Variants in KLHL29 observed in about 807,000 individuals in gnomAD.
KLHL29 encodes kelch-like protein 29.
Under a neutral mutation model 80.4 loss-of-function variants are expected in KLHL29, and 21 were observed. The ratio of observed to expected loss-of-function variants is 0.26; its 90% confidence interval spans 0.19 to 0.38. The LOEUF is 0.38. Among genes scored for constraint, KLHL29 ranks in the 10% least tolerant of loss-of-function variants. The probability of loss-of-function intolerance (pLI) is 1.00; values close to 1 mark genes in which losing one functional copy is unlikely to be tolerated. For synonymous variants in KLHL29, 511 were observed against 526.8 expected (o/e 0.97, Z 0.41); for missense variants, 867 against 1,223.9 (o/e 0.71, Z 4.35).
chr2:23,526,947 C>G (rs1558373888), intron 2 of KLHL29, among the ~76,000 whole-genome samples: 1 of 152,242 alleles, frequency 6.6e-6, no homozygotes, highest in African/African-American at 2.4e-5. Context: ...ACAGGGAGCC[C>G]CCGCAGGGTT....
chr2:23,577,284 C>T (rs1667867012), intron 3 of KLHL29, among the ~76,000 whole-genome samples: 1 of 152,116 alleles, frequency 6.6e-6, no homozygotes, highest in South Asian at 2.1e-4. Flanking sequence ...ACCCCCTTCT[C>T]TACTAAAAAT....
chr2:23,569,512 T>G (rs1667666135), intron 3 of KLHL29, among the ~76,000 whole-genome samples: 1 of 152,200 alleles, frequency 6.6e-6, no homozygotes, highest in South Asian at 2.1e-4. Context: ...ATGTTGCAAT[T>G]AAACAATTTT....
At chr2:23,620,623 C>A (rs1416143338) in intron 3 of KLHL29, among the ~76,000 whole-genome samples, 1 of 151,998 alleles carries the variant, frequency 6.6e-6, no homozygotes, top group Non-Finnish European at 1.5e-5. Context: ...GAGGCCAGTC[C>A]GGGACACACA....
At chr2:23,642,183 G>T (rs896395289) in intron 4 of KLHL29, among the ~76,000 whole-genome samples, 155 bp from the exon 5 acceptor site, 1 of 152,200 alleles carries the variant, frequency 6.6e-6, no homozygotes, top group Admixed American at 6.5e-5. Context: ...CTTATCCTGG[G>T]CTGCCATGAT....
At chr2:23,467,377 G>A (rs1664380997) in intron 1 of KLHL29, among the ~76,000 whole-genome samples, 1 of 152,226 alleles carries the variant, frequency 6.6e-6, no homozygotes, top group Non-Finnish European at 1.5e-5. Context: ...GAAAAGCAGA[G>A]TACTTACAGA....
At chr2:23,455,010 G>A (rs111371151) in intron 1 of KLHL29, among the ~76,000 whole-genome samples, 2 of 141,500 alleles carry the variant, frequency 1.4e-5, no homozygotes, top group East Asian at 4.5e-4. Context: ...TTGGGGGGGG[G>A]GCATTTATTT....
In KLHL29 at chr2:23,670,589, G is replaced by A. The variant is rs1280712409; in HGVS notation, c.941-13810G>A. ...TCTGTGCCAGGGCCTGCGGCGGGGG[G>A]CTGATCACCTGGAGGGCACAATTCC... On this transcript the variant is annotated intron_variant, in intron 5 of 13. Transcript: ENST00000486442. Among the ~76,000 whole-genome samples, 4 of 152,298 alleles carry A rather than the reference G, an allele frequency of 2.6e-5. No individual in the cohort carries two copies. In the South Asian group the frequency reaches 8.3e-4, roughly 32 times the overall value.
chr2:23,461,720 T>TG (rs951101183), intron 1 of KLHL29, among the ~76,000 whole-genome samples: 7 of 42,906 alleles, frequency 1.6e-4, no homozygotes, highest in Non-Finnish European at 3.3e-4. Context: ...TTATCTTTGC[T>TG]GGGGGGGCAG....
intron 1 of KLHL29, among the ~76,000 whole-genome samples, chr2:23,462,877 G>A (rs910946309): frequency 6.6e-6 from 1 of 152,202 alleles, no homozygotes; most frequent in Non-Finnish European, 1.5e-5. Context: ...GCTCACACCT[G>A]TAATCCCAGC....
chr2:23,638,541 C>A (rs907139966), intron 3 of KLHL29, among the ~76,000 whole-genome samples: 1 of 152,196 alleles, frequency 6.6e-6, no homozygotes, highest in Admixed American at 6.5e-5. Context: ...CTATCCCCGC[C>A]ATGGGCCTCA....
intron 3 of KLHL29, among the ~76,000 whole-genome samples, chr2:23,636,652 C>T (rs34782587): frequency 0.086 from 13,038 of 152,214 alleles, 770 homozygotes; most frequent in African/African-American, 0.16. Context: ...CTTGGTCACC[C>T]GTGTCCCTAG....
At chr2:23,430,644 GTTCAGCTT>G (rs1211055379) in intron 1 of KLHL29, among the ~76,000 whole-genome samples, 5 of 152,200 alleles carry the variant, frequency 3.3e-5, no homozygotes, top group Non-Finnish European at 7.3e-5. Context: ...TCAAGGCACT[GTTCAGCTT>G]TCACATTCCC....
chr2:23,509,828 G>A (rs970833147), intron 2 of KLHL29, among the ~76,000 whole-genome samples: 4 of 152,130 alleles, frequency 2.6e-5, no homozygotes, highest in Admixed American at 6.5e-5. Flanking sequence ...GAGCGGCTGG[G>A]TGCTGCTTTT....
At chr2:23,677,632 A>G (rs1375886707) in intron 5 of KLHL29, among the ~76,000 whole-genome samples, 1 of 152,228 alleles carries the variant, frequency 6.6e-6, no homozygotes, top group Non-Finnish European at 1.5e-5. Context: ...GAAGTAGGGG[A>G]AGAAATGCAT....
At chr2:23,446,173 A>G (rs1461469528) in intron 1 of KLHL29, among the ~76,000 whole-genome samples, 5 of 148,606 alleles carry the variant, frequency 3.4e-5, no homozygotes, top group African/African-American at 1.2e-4. Context: ...ATAGAACTTC[A>G]TTATTTAGTT....
chr2:23,451,611 C>T (rs1437145698), intron 1 of KLHL29, among the ~76,000 whole-genome samples: 3 of 151,990 alleles, frequency 2.0e-5, no homozygotes, highest in Non-Finnish European at 4.4e-5. Flanking sequence ...GAAAGTTTTT[C>T]TCCCCAGCTC....
chr2:23,448,129 C>A (rs1228225818), intron 1 of KLHL29, among the ~76,000 whole-genome samples: 3 of 152,032 alleles, frequency 2.0e-5, no homozygotes, highest in African/African-American at 7.3e-5. Flanking sequence ...AGGACTTCCC[C>A]ATTCCTGGAA....
chr2:23,656,149 A>G (rs3795935), intron 5 of KLHL29, among the ~76,000 whole-genome samples: 55,520 of 151,910 alleles, frequency 0.37, 12,287 homozygotes, highest in East Asian at 0.52. Flanking sequence ...TCTGTGCAAG[A>G]AGGCAGTGAG....
At chr2:23,391,780 A>G (rs1666327957) in intron 1 of KLHL29, among the ~76,000 whole-genome samples, 2 of 152,226 alleles carry the variant, frequency 1.3e-5, no homozygotes, top group Admixed American at 1.3e-4. Flanking sequence ...TAAGTTTTCA[A>G]TTGAAGAGAC....
Sources: allele counts gnomAD v4.1 joint callset (sites outside exome capture counted in the v4.1 genomes callset), GRCh38; gene constraint gnomAD v4.1.1; transcripts MANE v1.5; gene names NCBI Gene and HGNC (gene_info 2026-07-23, HGNC 2026-07-21).